MEF2C: variants seen among roughly 807,000 people sequenced by gnomAD.
MEF2C encodes the protein myocyte-specific enhancer factor 2C.
Under a neutral mutation model 50.5 loss-of-function variants are expected in MEF2C, and 6 were observed. That is an observed-to-expected ratio of 0.12 (90% CI 0.07 to 0.23). The LOEUF (loss-of-function observed/expected upper bound fraction) is 0.23, where lower values mean the gene tolerates loss of function less well. Ranked by LOEUF, MEF2C falls within the 10% of genes least tolerant of loss-of-function variation. MEF2C has a pLI of 1.00. For missense variants in MEF2C, 276 were observed against 605.0 expected, an observed-to-expected ratio of 0.46 and a Z score of 5.70; for synonymous variants, 183 against 228.0, an observed-to-expected ratio of 0.80 and a Z score of 1.78.
intron 1 of MEF2C, among the ~76,000 whole-genome samples, chr5:88,848,797 A>G (rs1000702444): frequency 1.3e-5 from 2 of 152,198 alleles, no homozygotes; most frequent in Admixed American, 6.5e-5. Context: ...ATGTAGAAGT[A>G]AGTAGTATGT....
chr5:88,777,351 G>A (rs1368196609), intron 3 of MEF2C, among the ~76,000 whole-genome samples: 1 of 152,092 alleles, frequency 6.6e-6, no homozygotes, highest in East Asian at 1.9e-4. Context: ...CCGTGGCTTT[G>A]CATGGGTCTT....
intron 1 of MEF2C, among the ~76,000 whole-genome samples, chr5:88,899,387 C>T (rs1033338914): frequency 1.3e-5 from 2 of 152,130 alleles, no homozygotes; most frequent in African/African-American, 2.4e-5. Context: ...TTGAGACTTC[C>T]TCACATGAAA....
intron 6 of MEF2C, chr5:88,739,284 G>C (rs1765429854): frequency 1.0e-6 from 1 of 983,408 alleles, no homozygotes; most frequent in South Asian, 4.7e-5. Context: ...CACACAGCTG[G>C]ACCTCTGAAG....
chr5:88,740,089 T>C, intron 6 of MEF2C: 1 of 985,306 alleles, frequency 1.0e-6, no homozygotes, highest in Non-Finnish European at 1.2e-6. Flanking sequence ...GCCATACCAG[T>C]TCAGGGGCAT....
chr5:88,825,921 T>C (rs575029357), intron 1 of MEF2C: 2 of 152,152 alleles, frequency 1.3e-5, no homozygotes, highest in East Asian at 1.9e-4. Context: ...GCTTATTCAC[T>C]TCAAGGTGGA....
chr5:88,762,406 T>C (rs185468645), intron 3 of MEF2C, among the ~76,000 whole-genome samples: 115 of 152,102 alleles, frequency 7.6e-4, no homozygotes, highest in Non-Finnish European at 1.3e-3. Context: ...GCCTCCTGAG[T>C]GGCTGGGTAC....
intron 2 of MEF2C, among the ~76,000 whole-genome samples, chr5:88,820,810 G>T (rs1028986589): frequency 6.6e-6 from 1 of 151,996 alleles, no homozygotes; most frequent in Non-Finnish European, 1.5e-5. Context: ...TTGTTTATTA[G>T]AAGTGACCTA....
chr5:88,869,296 C>CATATAT lies in MEF2C; in HGVS notation c.-143+13658_-143+13659insATATAT, dbSNP rs1561421061. Among the ~76,000 whole-genome samples, 6 of 104,864 alleles carry CATATAT rather than the reference C, an allele frequency of 5.7e-5. 1 individual carries two copies. The highest frequency in any genetic ancestry group is 2.3e-4 in the Admixed American group (2 of 8,842). 68.8% of individuals were successfully genotyped at this position (104,864 alleles called of 152,430 possible). A position where few individuals can be genotyped will look rare whatever the true frequency, so the allele number is the denominator to read the frequency against. On this transcript the variant is annotated intron_variant, in intron 1 of 10. Coordinates refer to ENST00000504921, the MANE Select transcript of MEF2C (RefSeq NM_002397.5). Reference sequence around the variant, plus strand: ...ATATATACATATATATATATATATACACATATATATATATATATACACATA... The same window carrying CATATAT: ...ATATATACATATATATATATATATACATATATACATATATATATATATATACACATA...
chr5:88,799,879 C>T (rs899102976), intron 3 of MEF2C, among the ~76,000 whole-genome samples: 1,260 of 87,048 alleles, frequency 0.014, 13 homozygotes, highest in East Asian at 0.046. Flanking sequence ...CTCACACACA[C>T]ACACACACAC....
At chr5:88,852,114 T>A (rs1214255713) in intron 1 of MEF2C, among the ~76,000 whole-genome samples, 1 of 152,186 alleles carries the variant, frequency 6.6e-6, no homozygotes, top group Non-Finnish European at 1.5e-5. Flanking sequence ...ATTATAGACA[T>A]CATAACACGA....
At chr5:88,903,687 C>G (rs1259349937) in intron 1 of MEF2C, among the ~76,000 whole-genome samples, 2 of 151,286 alleles carry the variant, frequency 1.3e-5, no homozygotes, top group African/African-American at 4.9e-5. Flanking sequence ...TGAAAGAGAC[C>G]AATATTTAAA....
At chr5:88,864,856 C>T (rs770105194) in intron 1 of MEF2C, among the ~76,000 whole-genome samples, 1 of 151,970 alleles carries the variant, frequency 6.6e-6, no homozygotes, top group Non-Finnish European at 1.5e-5. Context: ...CCGCAACCTC[C>T]GCCTCCCGGG....
At position 88,717,736 on chromosome 5, in the gene MEF2C, T is replaced by C. The variant is rs1274856281; in HGVS notation, c.*4868A>G. On this transcript the variant is annotated 3_prime_UTR_variant, in exon 11 of 11. Coordinates refer to ENST00000504921, the MANE Select transcript of MEF2C (RefSeq NM_002397.5). ...GGACATTCCCCTTTAGAGATTATTA[T>C]TGAATGTTAATAATGGATATATTTG... 5 of 152,240 alleles carry C rather than the reference T, an allele frequency of 3.3e-5. No homozygotes were observed. Among genetic ancestry groups the C allele is most frequent in the Non-Finnish European group, 5.9e-5 (4 of 68,036 alleles). The allele number at this position is 152,240 out of a possible 1,614,324, so 9.4% of individuals were successfully genotyped here.
At chr5:88,729,502 A>G in intron 8 of MEF2C, 155 bp from the exon 9 acceptor site, 2 of 682,778 alleles carry the variant, frequency 2.9e-6, no homozygotes. Context: ...TGCCAACCCT[A>G]TCATTTACAA....
intron 2 of MEF2C, among the ~76,000 whole-genome samples, chr5:88,816,016 A>G (rs144500060): frequency 1.7e-4 from 26 of 152,232 alleles, no homozygotes; most frequent in African/African-American, 6.3e-4. Flanking sequence ...ATGAGATACA[A>G]TAAATAAAAG....
chr5:88,896,553 C>T (rs1835137917), intron 1 of MEF2C, among the ~76,000 whole-genome samples: 2 of 152,166 alleles, frequency 1.3e-5, no homozygotes, highest in Non-Finnish European at 2.9e-5. Flanking sequence ...AAAGCATCTT[C>T]CTATGTGCAA....
At chr5:88,831,572 C>G (rs1813038662) in intron 1 of MEF2C, among the ~76,000 whole-genome samples, 2 of 151,924 alleles carry the variant, frequency 1.3e-5, no homozygotes, top group Non-Finnish European at 1.5e-5. Context: ...AGAGAAAATG[C>G]TAGATAAATC....
chr5:88,761,557 C>A (rs1777864859), intron 3 of MEF2C, among the ~76,000 whole-genome samples: 1 of 152,152 alleles, frequency 6.6e-6, no homozygotes, highest in Non-Finnish European at 1.5e-5. Context: ...AGTCAATGAA[C>A]AGAGGGTATA....
intron 1 of MEF2C, among the ~76,000 whole-genome samples, chr5:88,846,656 T>A (rs542290869): frequency 6.6e-6 from 1 of 152,326 alleles, no homozygotes; most frequent in Admixed American, 6.5e-5. Context: ...TGTCAAGTTG[T>A]ATTAATGGCC....
Sources: gnomAD v4.1 joint callset for allele counts (sites outside exome capture counted in the v4.1 genomes callset) on GRCh38, gnomAD v4.1.1 for gene constraint, MANE v1.5 for transcripts, NCBI Gene and HGNC (gene_info 2026-07-23, HGNC 2026-07-21) for gene names.